The following PRH1 variants were observed in gnomAD, a reference collection of about 807,000 sequenced individuals.
PRH1 encodes proline rich protein HaeIII subfamily 1.
A neutral mutation model predicts 7.9 loss-of-function variants in PRH1; 7 were observed. The ratio of observed to expected loss-of-function variants is 0.89; its 90% confidence interval spans 0.50 to 1.67. PRH1 has a LOEUF of 1.67. Ranked by LOEUF, PRH1 falls within the 40% of genes most tolerant of loss-of-function variation. The pLI is 0.00. For missense variants in PRH1, 109 were observed against 223.6 expected, an observed-to-expected ratio of 0.49 and a Z score of 3.27; for synonymous variants, 45 against 80.8, an observed-to-expected ratio of 0.56 and a Z score of 2.38.
At chr12:11,147,110 C>T (rs1946885474) in intron 1 of PRH1, among the ~76,000 whole-genome samples, 1 of 151,942 alleles carries the variant, frequency 6.6e-6, no homozygotes, top group Non-Finnish European at 1.5e-5. Flanking sequence ...TAAGACTTTG[C>T]CACAACTTGC....
chr12:10,940,528 T>C (rs1950382355), intron 2 of PRH1, among the ~76,000 whole-genome samples: 1 of 152,186 alleles, frequency 6.6e-6, no homozygotes, highest in Non-Finnish European at 1.5e-5. Context: ...ATTCTTATTC[T>C]GTGCCTCTCC....
intron 1 of PRH1, among the ~76,000 whole-genome samples, chr12:11,104,129 G>A (rs34490574): frequency 0.21 from 31,331 of 147,606 alleles, 3,881 homozygotes; most frequent in Non-Finnish European, 0.27. Context: ...TGATTCAACG[G>A]TGACCAACAC....
chr12:11,026,344 G>A (rs1941913664), intron 1 of PRH1, among the ~76,000 whole-genome samples: 1 of 152,096 alleles, frequency 6.6e-6, no homozygotes, highest in South Asian at 2.1e-4. Context: ...GGGAGTTTTT[G>A]AAGGTCAGAT....
intron 1 of PRH1, among the ~76,000 whole-genome samples, chr12:11,068,333 TA>T (rs754349275): frequency 3.9e-5 from 6 of 152,246 alleles, no homozygotes; most frequent in Non-Finnish European, 8.8e-5. Context: ...TAAATGAGAT[TA>T]TACTGAATGT....
chr12:10,916,285 G>A (rs986114491), intron 2 of PRH1, among the ~76,000 whole-genome samples: 10 of 151,902 alleles, frequency 6.6e-5, no homozygotes, highest in African/African-American at 1.7e-4. Flanking sequence ...GGAATTACTC[G>A]GGAGCCACAA....
intron 2 of PRH1, among the ~76,000 whole-genome samples, chr12:10,923,152 T>C (rs1218211005): frequency 2.1e-5 from 3 of 143,958 alleles, no homozygotes; most frequent in Non-Finnish European, 4.5e-5. Flanking sequence ...TGAGACAGAG[T>C]TTTGCTCTTG....
At chr12:11,090,627 G>T (rs1170662963) in intron 1 of PRH1, among the ~76,000 whole-genome samples, 2 of 116,710 alleles carry the variant, frequency 1.7e-5, no homozygotes, top group African/African-American at 2.9e-5. Context: ...CCTCAGTACC[G>T]CTTATGGTAG....
intron 1 of PRH1, among the ~76,000 whole-genome samples, chr12:11,002,692 A>G (rs2136022564): frequency 6.6e-6 from 1 of 152,212 alleles, no homozygotes; most frequent in South Asian, 2.1e-4. Context: ...TATAGCAGTC[A>G]AAGTAATACT....
chr12:10,918,406 C>T (rs988876754), intron 2 of PRH1, among the ~76,000 whole-genome samples: 1 of 151,734 alleles, frequency 6.6e-6, no homozygotes, highest in African/African-American at 2.4e-5. Context: ...TTAAAAGATC[C>T]ACATGATCAA....
intron 2 of PRH1, among the ~76,000 whole-genome samples, chr12:10,910,732 A>T (rs1172601040): frequency 6.6e-6 from 1 of 152,222 alleles, no homozygotes; most frequent in Non-Finnish European, 1.5e-5. Flanking sequence ...AGATTGTCTA[A>T]TTCAAAATTA....
intron 1 of PRH1, chr12:11,165,975 C>T (rs1551193): frequency 6.6e-6 from 1 of 152,216 alleles, no homozygotes; most frequent in South Asian, 2.1e-4. Flanking sequence ...GCTCTTTGTT[C>T]TTCTCTAGCA....
intron 2 of PRH1, among the ~76,000 whole-genome samples, chr12:10,951,088 G>A (rs1038143618): frequency 6.6e-6 from 1 of 152,068 alleles, no homozygotes; most frequent in Non-Finnish European, 1.5e-5. Context: ...CTGCCTTTAT[G>A]GAAAAAATGT....
intron 2 of PRH1, among the ~76,000 whole-genome samples, chr12:10,913,578 T>C (rs1170205476): frequency 6.6e-6 from 1 of 152,250 alleles, no homozygotes; most frequent in Non-Finnish European, 1.5e-5. Context: ...GATTTAGATA[T>C]ATATCTTGTA....
intron 1 of PRH1, among the ~76,000 whole-genome samples, chr12:11,155,452 T>C (rs766724900): frequency 6.6e-6 from 1 of 152,180 alleles, no homozygotes; most frequent in Non-Finnish European, 1.5e-5. Context: ...AAATCAAAAC[T>C]AGAATTTTAT....
chr12:11,042,755 G>A (rs1241656656), intron 1 of PRH1, among the ~76,000 whole-genome samples: 1 of 148,348 alleles, frequency 6.7e-6, no homozygotes, highest in Non-Finnish European at 1.5e-5. Context: ...TCAGCCTCCC[G>A]AGTAGCTGGG....
chr12:10,972,512 T>G (rs1401001360), intron 2 of PRH1, among the ~76,000 whole-genome samples: 1 of 152,180 alleles, frequency 6.6e-6, no homozygotes, highest in Non-Finnish European at 1.5e-5. Context: ...TTGAAAAAAT[T>G]TGAATAAAAT....
At chr12:10,940,814 G>A (rs1248985643) in intron 2 of PRH1, among the ~76,000 whole-genome samples, 3 of 152,252 alleles carry the variant, frequency 2.0e-5, no homozygotes, top group Middle Eastern at 3.4e-3. Context: ...CCTCATAAAC[G>A]TCAAAGATGG....
At chr12:10,939,551 G>GTTT (rs60186756) in intron 2 of PRH1, among the ~76,000 whole-genome samples, 37 of 123,296 alleles carry the variant, frequency 3.0e-4, no homozygotes, top group East Asian at 9.5e-4. Context: ...TGGTTTGTGT[G>GTTT]TTTTTTTTTT....
At chr12:10,983,411 T>C (rs74062413) in intron 1 of PRH1, among the ~76,000 whole-genome samples, 6,091 of 152,200 alleles carry the variant, frequency 0.04, 388 homozygotes, top group African/African-American at 0.14. Flanking sequence ...CCCACAAACA[T>C]ATCCTTCCTC....
Sources: allele counts gnomAD v4.1 joint callset (sites outside exome capture counted in the v4.1 genomes callset), GRCh38; gene constraint gnomAD v4.1.1; transcripts MANE v1.5; gene names NCBI Gene and HGNC (gene_info 2026-07-23, HGNC 2026-07-21).